The following ZNF497 variants were observed in gnomAD, a reference collection of about 807,000 sequenced individuals.
ZNF497 encodes zinc finger protein 497.
For synonymous variants in ZNF497, 422 were observed against 313.7 expected (o/e 1.35, Z -3.65); for missense variants, 930 against 714.0 (o/e 1.30, Z -3.45).
Position 58,357,145 on chromosome 19 carries a change from C to A in ZNF497, c.491G>T (p.Cys164Phe), listed in dbSNP as rs2052035556. The change falls in exon 3 of 3, where the codon TGC becomes TTC. Residue 164 changes from cysteine (C) to phenylalanine (F), a missense_variant. Transcript: ENST00000311044. ...RIHSGEKPYA[C>F]RECGKAFRAH... ...GCGGAAGGCCTTGCCGCACTCCCTG[C>A]AAGCGTAGGGCTTCTCGCCGCTGTG... The A allele has an allele frequency of 6.2e-7, 1 of 1,603,190 alleles. No homozygotes were observed. Among genetic ancestry groups the A allele is most frequent in the Non-Finnish European group, 8.5e-7 (1 of 1,172,652 alleles).
Position 58,358,556 on chromosome 19 carries a change from C to G in ZNF497, c.-82G>C. ...CCTCTCCCTCCTCTGTCCTGGGGACCAGCTCCTCTTGGGGCCTGGGGGCTG... is the reference window on the plus strand; with the variant it reads ...CCTCTCCCTCCTCTGTCCTGGGGACGAGCTCCTCTTGGGGCCTGGGGGCTG... On this transcript the variant is annotated 5_prime_UTR_variant, in exon 2 of 3. Transcript: ENST00000311044. 2 of 1,188,776 alleles carry G rather than the reference C, an allele frequency of 1.7e-6. No individual in the cohort carries two copies. The highest frequency in any genetic ancestry group is 3.3e-4 in the Middle Eastern group (1 of 3,070). 73.6% of individuals were successfully genotyped at this position (1,188,776 alleles called of 1,614,324 possible).
rs761309097 is a variant in ZNF497, at chr19:58,356,595, C to T, written c.1041G>A (p.Glu347=). 8 of 1,546,330 alleles carry T rather than the reference C, an allele frequency of 5.2e-6. No individual in the cohort carries two copies. Among genetic ancestry groups the T allele is most frequent in the African/African-American group, 4.1e-5 (3 of 73,036 alleles). The change falls in exon 3 of 3, where the codon GAG becomes GAA. Residue 347 remains glutamate, a synonymous_variant. Coordinates refer to ENST00000311044, the MANE Select transcript of ZNF497 (RefSeq NM_198458.3). ...TCTCGCCCGTGTGCACGCGCCGGTG[C>T]TCCGCCAGGTAGGAGCCCATGACGA... ...QAFVMGSYLA[E]HRRVHTGEKP... is the part of the protein sequence containing the mutation.
Position 58,356,277 on chromosome 19 carries a change from G to C in ZNF497, c.1359C>G (p.Arg453=). Residue 453 remains arginine, a synonymous_variant, in exon 3 of 3, where the codon CGC becomes CGG. Transcript: ENST00000311044. Reference sequence around the variant, plus strand: ...GCCGGTGGCTTAAGAGCTCCGACTTGCGCACGAAGGCCTTGCTGCAGTGGG... The same window carrying C: ...GCCGGTGGCTTAAGAGCTCCGACTTCCGCACGAAGGCCTTGCTGCAGTGGG... ...VCAHCSKAFV[R]KSELLSHRRT... The C allele has an allele frequency of 6.4e-7, 1 of 1,561,354 alleles. No homozygotes were observed. Among genetic ancestry groups the C allele is most frequent in the Non-Finnish European group, 8.7e-7 (1 of 1,154,678 alleles).
Position 58,356,904 on chromosome 19 carries a change from C to CCGCGCGCCCGTGTG in ZNF497, c.718_731dup (p.Pro245ThrfsTer26). The CCGCGCGCCCGTGTG allele has an allele frequency of 6.3e-7, 1 of 1,591,040 alleles. No individual in the cohort carries two copies. The highest frequency in any genetic ancestry group is 8.5e-7 in the Non-Finnish European group (1 of 1,173,578). On this transcript the variant is annotated frameshift_variant, in exon 3 of 3. Transcript: ENST00000311044. ...TGCCACAGTCCCGGCAGGCGTGCGG[C>CCGCGCGCCCGTGTG]CGCGCGCCCGTGTGCACGCGCCGGT... is the stretch of plus-strand genomic sequence containing the variant.
In ZNF497 at chr19:58,356,630, C is replaced by T. The variant is rs779121803; in HGVS notation, c.1006G>A (p.Gly336Ser). 1.3e-6 allele frequency: 2 copies of T among 1,543,862 alleles called. No individual in the cohort carries two copies. Among genetic ancestry groups the T allele is most frequent in the East Asian group, 2.4e-5 (1 of 41,224 alleles). The stretch of plus-strand genomic sequence containing the variant: ...TAGGAGCCCATGACGAAAGCCTGGC[C>T]GCACTCGGCGCACTCGAAGGGCCGC... Reference protein sequence around the residue: ...GERPFECAECGQAFVMGSYLA... With the variant: ...GERPFECAECSQAFVMGSYLA... Residue 336 changes from glycine (G) to serine (S), a missense_variant, in exon 3 of 3, where the codon GGC (glycine) becomes AGC (serine). Transcript: ENST00000311044.
rs371478992 is a variant in ZNF497 at position 58,354,855 on chromosome 19, G to C, written c.*1284C>G. On this transcript the variant is annotated 3_prime_UTR_variant, in exon 3 of 3. Transcript: ENST00000311044. ...CTCAGGGTGTGCACAGAACTCAGAA[G>C]TCAGACCACTGAACAGTGACAGAAC... is the stretch of plus-strand genomic sequence containing the variant. The C allele has an allele frequency of 6.6e-6, 1 of 152,396 alleles. No homozygotes were observed. The highest frequency in any genetic ancestry group is 2.4e-5 in the African/African-American group (1 of 41,472). 9.4% of individuals were successfully genotyped at this position (152,396 alleles called of 1,614,324 possible).
chr19:58,356,598 C>T lies in ZNF497; in HGVS notation c.1038G>A (p.Ala346=), dbSNP rs1231923490. 2 of 1,545,382 alleles carry T rather than the reference C, an allele frequency of 1.3e-6. No individual in the cohort carries two copies. The highest frequency in any genetic ancestry group is 2.4e-5 in the East Asian group (1 of 41,078). The change falls in exon 3 of 3, where the codon GCG becomes GCA. Residue 346 remains alanine, a synonymous_variant. Coordinates refer to ENST00000311044, the MANE Select transcript of ZNF497 (RefSeq NM_198458.3). The stretch of plus-strand genomic sequence containing the variant: ...CGCCCGTGTGCACGCGCCGGTGCTC[C>T]GCCAGGTAGGAGCCCATGACGAAAG... ...GQAFVMGSYL[A]EHRRVHTGEK...
intron 1 of ZNF497, among the ~76,000 whole-genome samples, chr19:58,361,636 C>T (rs1462020653): frequency 2.0e-5 from 3 of 152,228 alleles, no homozygotes; most frequent in Non-Finnish European, 4.4e-5. Context: ...GGATTACAGA[C>T]ATGAGCCACC....
Position 58,356,844 on chromosome 19 carries a change from G to C in ZNF497, c.792C>G (p.His264Gln), listed in dbSNP as rs374432836. ...GCCGTGCGCCCGCGTGGATCTTCAG[G>C]TGCTCGGCCAGGTTGGAGCTCTGGC... ...AFSQSSNLAEHLKIHAGARPH... is the reference protein window; with the variant it reads ...AFSQSSNLAEQLKIHAGARPH... Residue 264 changes from histidine (H) to glutamine (Q), a missense_variant, in exon 3 of 3, where the codon CAC becomes CAG. Coordinates refer to ENST00000311044, the MANE Select transcript of ZNF497 (RefSeq NM_198458.3). 6.3e-7 allele frequency: 1 copy of C among 1,579,892 alleles called. No individual in the cohort carries two copies. The highest frequency in any genetic ancestry group is 2.3e-5 in the East Asian group (1 of 43,514).
chr19:58,356,344 T>C lies in ZNF497; in HGVS notation c.1292A>G (p.Gln431Arg). The C allele has an allele frequency of 1.3e-6, 2 of 1,570,120 alleles. No homozygotes were observed. The highest frequency in any genetic ancestry group is 1.7e-6 in the Non-Finnish European group (2 of 1,160,594). Residue 431 changes from glutamine (Q) to arginine (R), a missense_variant, in exon 3 of 3, where the codon CAG becomes CGG. By Grantham distance (43) the Gln-to-Arg change is conservative. Coordinates refer to ENST00000311044, the MANE Select transcript of ZNF497 (RefSeq NM_198458.3). ...KAFRGSSELRQHQRLHSGERP... is the reference protein window; with the variant it reads ...KAFRGSSELRRHQRLHSGERP... ...CTCGCCAGAGTGCAGGCGCTGGTGC[T>C]GGCGCAGCTCGGAGCTGCCGCGGAA...
At position 58,356,880 on chromosome 19, in the gene ZNF497, G is replaced by T; in HGVS notation, c.756C>A (p.Gly252=). The T allele has an allele frequency of 6.3e-7, 1 of 1,593,680 alleles. No homozygotes were observed. Among genetic ancestry groups the T allele is most frequent in the Non-Finnish European group, 8.5e-7 (1 of 1,174,732 alleles). ...GARPHACRDC[G]KAFSQSSNLA... ...GGTTGGAGCTCTGGCTGAAGGCCTT[G>T]CCACAGTCCCGGCAGGCGTGCGGCC... Residue 252 remains glycine, a synonymous_variant, in exon 3 of 3, where the codon GGC becomes GGA. Transcript: ENST00000311044.
In ZNF497 at chr19:58,356,197, C is replaced by T. The variant is rs1480969027; in HGVS notation, c.1439G>A (p.Ser480Asn). 3 of 1,598,056 alleles carry T rather than the reference C, an allele frequency of 1.9e-6. No homozygotes were observed. The East Asian group carries it at 6.7e-5, about 36-fold the overall frequency. The change falls in exon 3 of 3, where the codon AGC (serine) becomes AAC (asparagine). Residue 480 changes from serine to asparagine, a missense_variant. By Grantham distance (46) the Ser-to-Asn change is conservative. Transcript: ENST00000311044. The part of the protein sequence containing the change: ...YACGECGKPF[S>N]HRCNLNEHQK... ...GTGCTCGTTGAGGTTGCAACGGTGG[C>T]TGAAAGGCTTCCCGCACTCGCCGCA...
chr19:58,356,055 A>T lies in ZNF497; in HGVS notation c.*84T>A, dbSNP rs1352655783. 7.1e-7 allele frequency: 1 copy of T among 1,415,198 alleles called. No homozygotes were observed. The highest frequency in any genetic ancestry group is 1.5e-5 in the African/African-American group (1 of 68,342). The allele number at this position is 1,415,198 out of a possible 1,614,324, so 87.7% of individuals were successfully genotyped here. A position where few individuals can be genotyped will look rare whatever the true frequency, so the allele number is the denominator to read the frequency against. On this transcript the variant is annotated 3_prime_UTR_variant, in exon 3 of 3. Coordinates refer to ENST00000311044, the MANE Select transcript of ZNF497 (RefSeq NM_198458.3). ...GGCGCCCGCACCGGCGGCCCGAAAAAGTCTGGGCCAGCAGACAGCGCACTC... is the reference window on the plus strand; with the variant it reads ...GGCGCCCGCACCGGCGGCCCGAAAATGTCTGGGCCAGCAGACAGCGCACTC...
At position 58,357,628 on chromosome 19, in the gene ZNF497, G is replaced by A; in HGVS notation, c.8C>T (p.Ser3Phe). The part of the protein sequence containing the change: ME[S>F]PRGWTLQVAP... ...CACCTGCAGGGTCCACCCTCTTGGG[G>A]ACTCCATCTCGCGCCTGTGACCTAA... is the stretch of plus-strand genomic sequence containing the variant. Residue 3 changes from serine (S) to phenylalanine (F), a missense_variant, in exon 3 of 3, where the codon TCC (serine) becomes TTC (phenylalanine). Transcript: ENST00000311044. 2 of 1,525,768 alleles carry A rather than the reference G, an allele frequency of 1.3e-6. No individual in the cohort carries two copies. Among genetic ancestry groups the A allele is most frequent in the Non-Finnish European group, 1.8e-6 (2 of 1,139,570 alleles). 94.5% of individuals were successfully genotyped at this position (1,525,768 alleles called of 1,614,324 possible).
At chr19:58,357,869 G>A in intron 2 of ZNF497, 1 of 1,341,790 alleles carries the variant, frequency 7.5e-7, no homozygotes, top group Admixed American at 3.2e-5. Flanking sequence ...ACAGGGCCAC[G>A]TGCACATCCC....
intron 1 of ZNF497, among the ~76,000 whole-genome samples, chr19:58,361,218 A>G (rs2052090326): frequency 2.0e-5 from 3 of 152,138 alleles, no homozygotes; most frequent in Non-Finnish European, 4.4e-5. Context: ...AAATGAGAAC[A>G]GATTACTAGT....
At position 58,355,517 on chromosome 19, in the gene ZNF497, C is replaced by A. The variant is rs139278803; in HGVS notation, c.*622G>T. 4.2e-3 allele frequency: 628 copies of A among 150,892 alleles called. 6 individuals are homozygous for A. The highest frequency in any genetic ancestry group is 0.014 in the African/African-American group (577 of 40,958). The allele number at this position is 150,892 out of a possible 1,614,324, so 9.3% of individuals were successfully genotyped here. ...CAGAGTGAAACCCTGCCCCCTCCCC[C>A]AAAAAAGAAAAGTCCCATGAAACAG... On this transcript the variant is annotated 3_prime_UTR_variant, in exon 3 of 3. Coordinates refer to ENST00000311044, the MANE Select transcript of ZNF497 (RefSeq NM_198458.3).
At position 58,359,108 on chromosome 19, in the gene ZNF497, T is replaced by G. The variant is rs1482668037; in HGVS notation, c.-111-523A>C. The stretch of plus-strand genomic sequence containing the variant: ...CCACTGGCAACACAGCTCACGCAGC[T>G]GAGCCAGGGCCCCTCGGGGCCCTGC... On this transcript the variant is annotated intron_variant, in intron 1 of 2. Coordinates refer to ENST00000311044, the MANE Select transcript of ZNF497 (RefSeq NM_198458.3). The G allele has an allele frequency of 1.1e-5, 12 of 1,076,840 alleles. No individual in the cohort carries two copies. The Admixed American group carries it at 2.7e-4, about 25-fold the overall frequency. The allele number at this position is 1,076,840 out of a possible 1,614,324, so 66.7% of individuals were successfully genotyped here.
chr19:58,357,498 C>G lies in ZNF497; in HGVS notation c.138G>C (p.Glu46Asp), dbSNP rs1037373383. The change falls in exon 3 of 3, where the codon GAG (glutamate) becomes GAC (aspartate). Residue 46 changes from glutamate to aspartate, a missense_variant. By Grantham distance (45) the Glu-to-Asp change is conservative. Coordinates refer to ENST00000311044, the MANE Select transcript of ZNF497 (RefSeq NM_198458.3). Reference sequence around the variant, plus strand: ...GGCCGTCCCCTGCCTCCCTCGGAACCTCCGTGGAGTTTTCCCAGGCCCCCC... The same window carrying G: ...GGCCGTCCCCTGCCTCCCTCGGAACGTCCGTGGAGTTTTCCCAGGCCCCCC... ...GGWGAWENSTEVPREAGDGQR... is the reference protein window; with the variant it reads ...GGWGAWENSTDVPREAGDGQR... 2 of 1,602,188 alleles carry G rather than the reference C, an allele frequency of 1.2e-6. No homozygotes were observed. Among genetic ancestry groups the G allele is most frequent in the African/African-American group, 2.7e-5 (2 of 74,628 alleles).
Sources: gnomAD v4.1 joint callset for allele counts (sites outside exome capture counted in the v4.1 genomes callset) on GRCh38, gnomAD v4.1.1 for gene constraint, MANE v1.5 for transcripts, NCBI Gene and HGNC (gene_info 2026-07-23, HGNC 2026-07-21) for gene names.